The following GOT2 variants were observed in gnomAD, a reference collection of about 807,000 sequenced individuals.
The protein encoded by GOT2 is glutamic-oxaloacetic transaminase 2.
Under a neutral mutation model 50.0 loss-of-function variants are expected in GOT2, and 17 were observed. That is an observed-to-expected ratio of 0.34 (90% CI 0.23 to 0.51). The LOEUF (loss-of-function observed/expected upper bound fraction) is 0.51. Ranked by LOEUF, GOT2 falls within the 20% of genes least tolerant of loss-of-function variation. The probability of loss-of-function intolerance (pLI) is 0.97; values close to 1 mark genes in which losing one functional copy is unlikely to be tolerated. For missense variants in GOT2, 430 were observed against 559.6 expected (o/e 0.77, Z 2.34); for synonymous variants, 172 against 204.9 (o/e 0.84, Z 1.37).
chr16:58,715,117 G>A (rs2044681167), intron 8 of GOT2, among the ~76,000 whole-genome samples: 1 of 152,124 alleles, frequency 6.6e-6, no homozygotes, highest in Non-Finnish European at 1.5e-5. Context: ...TCTGTGGTGG[G>A]AGGATCATTT....
intron 1 of GOT2, 42 bp from the exon 2 acceptor site, chr16:58,723,944 C>G (rs754572539): frequency 6.4e-7 from 1 of 1,557,898 alleles, no homozygotes; most frequent in South Asian, 1.1e-5. Context: ...TTAGCTAGAT[C>G]CAAGATCCAT....
intron 1 of GOT2, among the ~76,000 whole-genome samples, chr16:58,730,072 T>C (rs1783565492): frequency 6.6e-6 from 1 of 152,178 alleles, no homozygotes; most frequent in South Asian, 2.1e-4. Context: ...AGGAAAGTTA[T>C]TCTTAGCCAG....
At chr16:58,729,062 C>G (rs1053463677) in intron 1 of GOT2, among the ~76,000 whole-genome samples, 14 of 151,968 alleles carry the variant, frequency 9.2e-5, no homozygotes, top group Non-Finnish European at 1.8e-4. Flanking sequence ...ACCCTTCCCC[C>G]TCACTAGTGT....
chr16:58,728,713 C>G (rs1044674190), intron 1 of GOT2, among the ~76,000 whole-genome samples: 11 of 152,222 alleles, frequency 7.2e-5, no homozygotes, highest in African/African-American at 2.4e-4. Context: ...CAGAGTCTCA[C>G]TGGGTTGCCC....
intron 4 of GOT2, 66 bp downstream of exon 4, chr16:58,719,130 A>G (rs1337240241): frequency 1.8e-6 from 2 of 1,115,446 alleles, no homozygotes; most frequent in Non-Finnish European, 2.8e-6. Context: ...AGTCAAATAC[A>G]CACACAACAG....
chr16:58,730,478 G>T (rs1027546675), intron 1 of GOT2, among the ~76,000 whole-genome samples: 1 of 151,570 alleles, frequency 6.6e-6, no homozygotes, highest in Admixed American at 6.6e-5. Context: ...TCTACCTCCC[G>T]GGCTCAAGTG....
Position 58,723,802 on chromosome 16 carries a change from C to G in GOT2, c.190G>C (p.Val64Leu). 1 of 1,612,796 alleles carries G rather than the reference C, an allele frequency of 6.2e-7. No homozygotes were observed. Among genetic ancestry groups the G allele is most frequent in the Non-Finnish European group, 8.5e-7 (1 of 1,178,820 alleles). Residue 64 changes from valine to leucine, a missense_variant, in exon 2 of 10, where the codon GTT (valine) becomes CTT (leucine). Coordinates refer to ENST00000245206, the MANE Select transcript of GOT2 (RefSeq NM_002080.4). ...DTNSKKMNLG[V>L]GAYRDDNGKP... ...CCATTATCATCCCGGTAGGCACCAA[C>G]TCCCAGATTCATCTTTTTGCTATTG...
intron 5 of GOT2, 23 bp downstream of exon 5, chr16:58,718,504 C>T (rs369233922): frequency 5.1e-6 from 8 of 1,555,852 alleles, no homozygotes; most frequent in Non-Finnish European, 6.9e-6. Flanking sequence ...ATTCACCTCT[C>T]TCACCCTGAA....
chr16:58,711,858 T>C (rs1307860461), intron 8 of GOT2, among the ~76,000 whole-genome samples: 2 of 152,130 alleles, frequency 1.3e-5, no homozygotes, highest in African/African-American at 2.4e-5. Context: ...TCCATCCTCC[T>C]TGTTGCCTGG....
At chr16:58,716,263 T>C (rs1370559880) in intron 7 of GOT2, 84 bp from the exon 8 acceptor site, 15 of 1,310,990 alleles carry the variant, frequency 1.1e-5, no homozygotes, top group Non-Finnish European at 1.4e-5. Context: ...CTACGTATTA[T>C]CTGTTTCCAT....
Position 58,709,580 on chromosome 16 carries a change from C to T in GOT2, c.1020-13G>A, listed in dbSNP as rs1233205080. ...CACTTCTTGCAGCCTGTAAAGAAAC[C>T]CTGAGATGCAGCTCATTCTGCCTAA... On this transcript the variant is annotated splice_polypyrimidine_tract_variant and intron_variant, in intron 8 of 9. Coordinates refer to ENST00000245206, the MANE Select transcript of GOT2 (RefSeq NM_002080.4). The T allele has an allele frequency of 2.5e-6, 4 of 1,603,488 alleles. No individual in the cohort carries two copies. The East Asian group carries it at 6.7e-5, about 27-fold the overall frequency.
chr16:58,723,821 G>A lies in GOT2; in HGVS notation c.171C>T (p.Ser57=). ...VTEAFKRDTN[S]KKMNLGVGAY... ...CACCAACTCCCAGATTCATCTTTTT[G>A]CTATTGGTGTCCCTCTTAAAGGCTT... is the stretch of plus-strand genomic sequence containing the variant. The change falls in exon 2 of 10, where the codon AGC becomes AGT. Residue 57 remains serine (S), a synonymous_variant. Transcript: ENST00000245206. 1.2e-6 allele frequency: 2 copies of A among 1,612,420 alleles called. No individual in the cohort carries two copies. Among genetic ancestry groups the A allele is most frequent in the South Asian group, 1.1e-5 (1 of 91,060 alleles).
chr16:58,731,898 A>G (rs545964840), intron 1 of GOT2, among the ~76,000 whole-genome samples: 7 of 152,348 alleles, frequency 4.6e-5, no homozygotes, highest in Admixed American at 1.3e-4. Flanking sequence ...TCACTTCCAC[A>G]GTGTAAGGAG....
chr16:58,720,874 C>G (rs918465424), intron 3 of GOT2, among the ~76,000 whole-genome samples: 1 of 152,196 alleles, frequency 6.6e-6, no homozygotes, highest in Non-Finnish European at 1.5e-5. Flanking sequence ...GAGTGAGCCA[C>G]TGCGCCCGGC....
intron 1 of GOT2, among the ~76,000 whole-genome samples, chr16:58,725,755 T>A (rs1240678375): frequency 6.6e-6 from 1 of 152,190 alleles, no homozygotes; most frequent in Admixed American, 6.5e-5. Context: ...ATCACCACCC[T>A]CTCTTCTTAA....
At chr16:58,708,687 A>G (rs571196195) in intron 9 of GOT2, among the ~76,000 whole-genome samples, 1 of 152,198 alleles carries the variant, frequency 6.6e-6, no homozygotes, top group East Asian at 1.9e-4. Flanking sequence ...CAGATGGGGA[A>G]AAAGACACCT....
At chr16:58,728,984 G>A (rs1427218702) in intron 1 of GOT2, among the ~76,000 whole-genome samples, 2 of 152,076 alleles carry the variant, frequency 1.3e-5, no homozygotes, top group African/African-American at 4.8e-5. Flanking sequence ...ACCGCACCCG[G>A]CCCTTTTCTG....
At chr16:58,716,312 C>T (rs1411749126) in intron 7 of GOT2, 133 bp from the exon 8 acceptor site, 1 of 870,004 alleles carries the variant, frequency 1.1e-6, no homozygotes, top group East Asian at 2.7e-5. Flanking sequence ...AAATAAAAAG[C>T]TTTCAACAAC....
chr16:58,718,766 A>C, intron 4 of GOT2, 78 bp from the exon 5 acceptor site: 2 of 1,224,502 alleles, frequency 1.6e-6, no homozygotes, highest in Non-Finnish European at 2.3e-6. Context: ...TATTGAGAGA[A>C]CATTTTTCTC....
Sources: gnomAD v4.1 joint callset for allele counts (sites outside exome capture counted in the v4.1 genomes callset) on GRCh38, gnomAD v4.1.1 for gene constraint, MANE v1.5 for transcripts, NCBI Gene and HGNC (gene_info 2026-07-23, HGNC 2026-07-21) for gene names.